The following GALNT14 variants were observed in gnomAD, a reference collection of about 807,000 sequenced individuals.
GALNT14 encodes the protein UDP-GalNAc:polypeptide N-acetylgalactosaminyltransferase 14.
A neutral mutation model predicts 77.5 loss-of-function variants in GALNT14; 60 were observed. That is an observed-to-expected ratio of 0.77 (90% CI 0.63 to 0.96). The LOEUF is 0.96. Ranked by LOEUF, GALNT14 falls within the 40% of genes least tolerant of loss-of-function variation. The probability of loss-of-function intolerance (pLI) is 0.00; values close to 1 mark genes in which losing one functional copy is unlikely to be tolerated. For synonymous variants in GALNT14, 280 were observed against 281.7 expected (o/e 0.99, Z 0.06); for missense variants, 710 against 731.0 (o/e 0.97, Z 0.33).
chr2:31,128,929 C>G (rs1156993191), intron 1 of GALNT14, among the ~76,000 whole-genome samples: 2 of 151,472 alleles, frequency 1.3e-5, no homozygotes, highest in African/African-American at 4.9e-5. Flanking sequence ...CCCTTAATCC[C>G]TTTTCCAGTT....
At chr2:31,086,257 G>A (rs1027760749) in intron 1 of GALNT14, among the ~76,000 whole-genome samples, 3 of 152,106 alleles carry the variant, frequency 2.0e-5, no homozygotes, top group African/African-American at 7.2e-5. Context: ...CTCAACTTGC[G>A]GCTACCCTCT....
rs76674678 is a variant in GALNT14, at chr2:31,118,070, T to C, written c.129+19888A>G. Among the ~76,000 whole-genome samples, 303 of 152,340 alleles carry C rather than the reference T, an allele frequency of 2.0e-3. 1 individual carries two copies. Among genetic ancestry groups the C allele is most frequent in the African/African-American group, 5.8e-3 (243 of 41,580 alleles). On this transcript the variant is annotated intron_variant, in intron 1 of 14. Coordinates refer to ENST00000349752, the MANE Select transcript of GALNT14 (RefSeq NM_024572.4). The stretch of plus-strand genomic sequence containing the variant: ...GGGAGAATGTGAAATGCAATCTTGC[T>C]GTGTGCCCAAACAACGAGACATCAG...
intron 1 of GALNT14, among the ~76,000 whole-genome samples, chr2:31,092,094 C>T (rs1339398532): frequency 6.6e-6 from 1 of 152,106 alleles, no homozygotes; most frequent in Non-Finnish European, 1.5e-5. Context: ...CAGTGGTTCG[C>T]CTGGAGCTCT....
intron 9 of GALNT14, among the ~76,000 whole-genome samples, chr2:30,937,650 G>C (rs188363236): frequency 1.3e-5 from 2 of 152,286 alleles, no homozygotes; most frequent in East Asian, 3.9e-4. Flanking sequence ...TCTGCCTCCA[G>C]CCTGAGAAAG....
At chr2:30,939,724 T>G (rs974065020) in intron 9 of GALNT14, among the ~76,000 whole-genome samples, 3 of 152,110 alleles carry the variant, frequency 2.0e-5, no homozygotes, top group Admixed American at 6.5e-5. Context: ...CTGAGGGCAG[T>G]TGATCTGCAG....
chr2:30,973,067 A>G (rs2148357993), intron 2 of GALNT14, among the ~76,000 whole-genome samples: 1 of 152,362 alleles, frequency 6.6e-6, no homozygotes, highest in South Asian at 2.1e-4. Context: ...CCACAAAGAG[A>G]AAATGAATGG....
rs73921188 is a variant in GALNT14, at chr2:30,912,229, G to A, written c.1494C>T (p.Asp498=). The part of the protein sequence containing the change: ...VVLVLCKNGD[D]RQQWTKTGSH... Reference sequence around the variant, plus strand: ...GGACCTGCTGAGCACTTACCTGTCGGTCATCTCCATTCTTGCAAAGGACAA... The same window carrying A: ...GGACCTGCTGAGCACTTACCTGTCGATCATCTCCATTCTTGCAAAGGACAA... Residue 498 remains aspartate, a synonymous_variant, in exon 14 of 15, where the codon GAC becomes GAT. Coordinates refer to ENST00000349752, the MANE Select transcript of GALNT14 (RefSeq NM_024572.4). 7.1e-4 allele frequency: 1,150 copies of A among 1,614,094 alleles called. 8 individuals carry two copies. In the African/African-American group the frequency reaches 0.014, roughly 19 times the overall value.
At chr2:30,912,080 C>T (rs1664395312) in intron 14 of GALNT14, 143 bp downstream of exon 14, 1 of 1,022,332 alleles carries the variant, frequency 9.8e-7, no homozygotes, top group Non-Finnish European at 1.4e-6. Flanking sequence ...TCCCAGGCAG[C>T]ACTTTCCCTC....
intron 1 of GALNT14, among the ~76,000 whole-genome samples, chr2:31,072,076 C>T (rs1675413365): frequency 6.6e-6 from 1 of 152,008 alleles, no homozygotes; most frequent in South Asian, 2.1e-4. Context: ...GTGCTAGAGA[C>T]ACGTGGAAGA....
intron 1 of GALNT14, among the ~76,000 whole-genome samples, chr2:31,020,790 T>C (rs1451649206): frequency 1.3e-5 from 2 of 152,244 alleles, no homozygotes; most frequent in South Asian, 2.1e-4. Flanking sequence ...TCATGAAGGC[T>C]GCATCTAGCT....
At chr2:30,935,909 A>G (rs73921198) in intron 9 of GALNT14, among the ~76,000 whole-genome samples, 3,428 of 152,248 alleles carry the variant, frequency 0.023, 55 homozygotes, top group Admixed American at 0.052. Context: ...CTGATCTTCG[A>G]GGCTGCAGCA....
chr2:30,971,023 A>G (rs1292272551), intron 2 of GALNT14, among the ~76,000 whole-genome samples: 1 of 152,066 alleles, frequency 6.6e-6, no homozygotes, highest in Non-Finnish European at 1.5e-5. Flanking sequence ...CTGTGAACTC[A>G]CCGGGGTTCA....
chr2:31,012,913 G>T (rs185209958), intron 1 of GALNT14, among the ~76,000 whole-genome samples: 163 of 152,246 alleles, frequency 1.1e-3, no homozygotes, highest in African/African-American at 3.7e-3. Flanking sequence ...TAAAATAAGA[G>T]CTAAAGGATT....
At chr2:31,035,553 A>ATG (rs573163116) in intron 1 of GALNT14, among the ~76,000 whole-genome samples, 1,327 of 129,496 alleles carry the variant, frequency 0.01, 37 homozygotes, top group South Asian at 0.032. Context: ...GATAAAGAAA[A>ATG]TGTGTGTGTG....
chr2:31,032,875 T>C (rs1672501207), intron 1 of GALNT14, among the ~76,000 whole-genome samples: 3 of 152,248 alleles, frequency 2.0e-5, no homozygotes, highest in South Asian at 4.2e-4. Flanking sequence ...AGCTGGACTC[T>C]GTAGAAGAAG....
the GALNT14 span, among the ~76,000 whole-genome samples, chr2:30,891,787 A>G: frequency 2.0e-5 from 3 of 152,140 alleles, no homozygotes; most frequent in African/African-American, 4.8e-5. Context: ...CCTCTCCCCG[A>G]GAGAATGAGG....
At chr2:31,064,756 G>A (rs367576541) in intron 1 of GALNT14, among the ~76,000 whole-genome samples, 2 of 151,930 alleles carry the variant, frequency 1.3e-5, no homozygotes, top group East Asian at 1.9e-4. Flanking sequence ...ATTGCTTCTC[G>A]GAAATGGCTC....
chr2:31,128,251 T>C (rs1678794736), intron 1 of GALNT14, among the ~76,000 whole-genome samples: 1 of 151,030 alleles, frequency 6.6e-6, no homozygotes, highest in African/African-American at 2.4e-5. Flanking sequence ...GAGACAGAAC[T>C]GAGGAGTTGT....
At position 31,120,169 on chromosome 2, in the gene GALNT14, A is replaced by T. The variant is rs1418594887; in HGVS notation, c.129+17789T>A. 5.4e-5 allele frequency among the ~76,000 whole-genome samples: 4 copies of T among 74,654 alleles called. 1 individual carries two copies. Among genetic ancestry groups the T allele is most frequent in the Admixed American group, 3.5e-4 (2 of 5,788 alleles). 49.0% of individuals were successfully genotyped at this position (74,654 alleles called of 152,430 possible). On this transcript the variant is annotated intron_variant, in intron 1 of 14. Coordinates refer to ENST00000349752, the MANE Select transcript of GALNT14 (RefSeq NM_024572.4). ...AGACTCCGTCTCAAAAAAAAAAAAA[A>T]AAAAAAAAAATAATGAGCTAGCTGA...
Sources: gnomAD v4.1 joint callset for allele counts (sites outside exome capture counted in the v4.1 genomes callset) on GRCh38, gnomAD v4.1.1 for gene constraint, MANE v1.5 for transcripts, NCBI Gene and HGNC (gene_info 2026-07-23, HGNC 2026-07-21) for gene names.